PSMD11: variants seen among roughly 807,000 people sequenced by gnomAD.
PSMD11 encodes 26S proteasome non-ATPase regulatory subunit 11.
In PSMD11, 5 loss-of-function variants were observed where a neutral mutation model predicts 62.3. The observed-to-expected ratio is 0.08, with a 90% CI of 0.04 to 0.17. PSMD11 has a LOEUF of 0.17. PSMD11 is among the 10% of genes least tolerant of loss of function. The pLI is 1.00. For missense variants in PSMD11, 310 were observed against 512.9 expected (o/e 0.60, Z 3.82); for synonymous variants, 191 against 191.8 (o/e 1.00, Z 0.03).
chr17:32,469,415 G>C (rs939891694), intron 6 of PSMD11, among the ~76,000 whole-genome samples: 3 of 152,150 alleles, frequency 2.0e-5, no homozygotes, highest in Non-Finnish European at 2.9e-5. Flanking sequence ...CAGGCAATCT[G>C]ACTTTTAGAA....
At chr17:32,476,696 G>A (rs1254026529) in intron 8 of PSMD11, 4 of 152,232 alleles carry the variant, frequency 2.6e-5, no homozygotes. Flanking sequence ...AACCATGTTA[G>A]AAGTTGTTCT....
chr17:32,461,590 AAAGG>A (rs1370326120), intron 3 of PSMD11, among the ~76,000 whole-genome samples: 8 of 150,740 alleles, frequency 5.3e-5, no homozygotes, highest in African/African-American at 1.5e-4. Flanking sequence ...AGAAAAAAAA[AAAGG>A]AAAAGGAAAA....
rs143239657 is a variant in PSMD11, at chr17:32,474,684, T to C, written c.789-80T>C. The C allele has an allele frequency of 6.9e-5, 94 of 1,369,796 alleles. No homozygotes were observed. The African/African-American group carries it at 1.3e-3, about 18-fold the overall frequency. The allele number at this position is 1,369,796 out of a possible 1,614,324, so 84.9% of individuals were successfully genotyped here. ...CAGAGTCTTTATTACAATGGAATTCTGTTAAAAAGAAATTTGCCCAAACCT... is the reference window on the plus strand; with the variant it reads ...CAGAGTCTTTATTACAATGGAATTCCGTTAAAAAGAAATTTGCCCAAACCT... On this transcript the variant is annotated intron_variant, in intron 7 of 13. Transcript: ENST00000261712.
At chr17:32,454,700 T>C in intron 3 of PSMD11, 81 bp downstream of exon 3, 1 of 1,471,362 alleles carries the variant, frequency 6.8e-7, no homozygotes, top group East Asian at 2.3e-5. Context: ...TGCACTTTAG[T>C]ACTAATGTGG....
At chr17:32,450,950 T>C (rs187431623) in intron 2 of PSMD11, among the ~76,000 whole-genome samples, 83 of 151,456 alleles carry the variant, frequency 5.5e-4, no homozygotes, top group Non-Finnish European at 8.8e-5. Flanking sequence ...GGAGACCACA[T>C]ATCTACAAAA....
chr17:32,477,397 C>T lies in PSMD11; in HGVS notation c.850-124C>T, dbSNP rs148421783. On this transcript the variant is annotated intron_variant, in intron 8 of 13. Coordinates refer to ENST00000261712, the MANE Select transcript of PSMD11 (RefSeq NM_002815.4). ...TTCTTCCCGGGCGTCTGAAGAAGAA[C>T]GATGGTGGGGCGGGTTCTTCCTTTT... 1.6e-3 allele frequency: 1,132 copies of T among 723,296 alleles called. 10 individuals are homozygous for T. The African/African-American group carries it at 0.017, about 11-fold the overall frequency. 44.8% of individuals were successfully genotyped at this position (723,296 alleles called of 1,614,324 possible).
intron 8 of PSMD11, 111 bp from the exon 9 acceptor site, chr17:32,477,410 G>A: frequency 3.6e-6 from 3 of 832,944 alleles, no homozygotes; most frequent in African/African-American, 1.7e-5. Flanking sequence ...TGGTGGGGCG[G>A]GTTCTTCCTT....
intron 3 of PSMD11, among the ~76,000 whole-genome samples, chr17:32,460,749 C>G (rs1195901279): frequency 7.6e-6 from 1 of 131,628 alleles, no homozygotes; most frequent in Non-Finnish European, 1.7e-5. Context: ...GGGTGAGACA[C>G]TGTCTCAAAA....
chr17:32,451,550 G>C (rs2150829395), intron 2 of PSMD11, among the ~76,000 whole-genome samples: 1 of 152,250 alleles, frequency 6.6e-6, no homozygotes, highest in Admixed American at 6.5e-5. Context: ...GTAATGCAAA[G>C]AATAGATGTA....
chr17:32,472,817 A>G (rs945420944), intron 6 of PSMD11, among the ~76,000 whole-genome samples: 12 of 148,240 alleles, frequency 8.1e-5, no homozygotes, highest in African/African-American at 1.7e-4. Context: ...GATTACAGGC[A>G]TGAGCCACCA....
At position 32,468,986 on chromosome 17, in the gene PSMD11, T is replaced by C. The variant is rs1446272275; in HGVS notation, c.449-13T>C. 3 of 1,611,478 alleles carry C rather than the reference T, an allele frequency of 1.9e-6. No individual in the cohort carries two copies. The East Asian group carries it at 6.7e-5, about 36-fold the overall frequency. ...CTGATGGCTATAAAGGAGAATGTCT[T>C]TTCCTTTTTCAGGTTCTCAGCTGCT... On this transcript the variant is annotated splice_polypyrimidine_tract_variant and intron_variant, in intron 5 of 13. Coordinates refer to ENST00000261712, the MANE Select transcript of PSMD11 (RefSeq NM_002815.4).
intron 1 of PSMD11, chr17:32,446,162 CCTTA>C (rs941387342): frequency 6.6e-6 from 1 of 152,088 alleles, no homozygotes; most frequent in Non-Finnish European, 1.5e-5. Context: ...TGGTTGACGG[CCTTA>C]CTTTTTCTGG....
chr17:32,446,141 T>G (rs1328429486), intron 1 of PSMD11: 2 of 152,226 alleles, frequency 1.3e-5, no homozygotes, highest in African/African-American at 4.8e-5. Context: ...TAGAGCAAGC[T>G]TGAGTCATGG....
intron 9 of PSMD11, 128 bp downstream of exon 9, chr17:32,477,711 C>T: frequency 1.4e-6 from 1 of 723,964 alleles, no homozygotes; most frequent in Non-Finnish European, 2.2e-6. Context: ...TATCCTTCAC[C>T]TAGGACAGTA....
intron 7 of PSMD11, chr17:32,474,163 C>T (rs1162965042): frequency 1.7e-6 from 1 of 575,604 alleles, no homozygotes; most frequent in Non-Finnish European, 3.1e-6. Context: ...TAGAAATCCC[C>T]TTCCCAGCTC....
Position 32,454,062 on chromosome 17 carries a change from C to A in PSMD11, c.194-433C>A, listed in dbSNP as rs528741613. ...CTCTGTCTAAGGGGAACAGCTGAAG[C>A]AGACTTGGAAGTTAGAAAAAAATTA... On this transcript the variant is annotated intron_variant, in intron 2 of 13. Coordinates refer to ENST00000261712, the MANE Select transcript of PSMD11 (RefSeq NM_002815.4). Among the ~76,000 whole-genome samples, 79 of 152,250 alleles carry A rather than the reference C, an allele frequency of 5.2e-4. No homozygotes were observed. The South Asian group carries it at 8.7e-3, about 17-fold the overall frequency.
intron 10 of PSMD11, 82 bp downstream of exon 10, chr17:32,479,458 A>G (rs747991206): frequency 9.7e-6 from 15 of 1,551,044 alleles, no homozygotes; most frequent in African/African-American, 1.4e-5. Context: ...CAGAATGGGA[A>G]CTCACTTCTA....
intron 1 of PSMD11, 28 bp downstream of exon 1, chr17:32,444,642 C>G (rs1907268578): frequency 6.2e-7 from 1 of 1,609,642 alleles, no homozygotes; most frequent in Non-Finnish European, 8.5e-7. Flanking sequence ...GCCTCCCCGG[C>G]CCCGCCGGCC....
intron 3 of PSMD11, among the ~76,000 whole-genome samples, chr17:32,460,162 AT>A (rs1051984909): frequency 1.3e-5 from 2 of 151,884 alleles, no homozygotes; most frequent in East Asian, 1.9e-4. Flanking sequence ...GGGCTCAAGC[AT>A]TTCTCCTGCC....
Sources: gnomAD v4.1 joint callset for allele counts (sites outside exome capture counted in the v4.1 genomes callset) on GRCh38, gnomAD v4.1.1 for gene constraint, MANE v1.5 for transcripts, NCBI Gene and HGNC (gene_info 2026-07-23, HGNC 2026-07-21) for gene names.